The following PRKCB variants were observed in gnomAD, a reference collection of about 807,000 sequenced individuals.
PRKCB encodes protein kinase C beta, also known as protein kinase C beta type.
A neutral mutation model predicts 81.5 loss-of-function variants in PRKCB; 13 were observed. The ratio of observed to expected loss-of-function variants is 0.16; its 90% CI spans 0.10 to 0.25. The LOEUF (loss-of-function observed/expected upper bound fraction) is 0.25, where lower values mean the gene tolerates loss of function less well. Ranked by LOEUF, PRKCB falls within the 10% of genes least tolerant of loss-of-function variation. The pLI is 1.00. For missense variants in PRKCB, 509 were observed against 875.7 expected, an observed-to-expected ratio of 0.58 and a Z score of 5.29; for synonymous variants, 335 against 321.4, an observed-to-expected ratio of 1.04 and a Z score of -0.45.
chr16:23,927,891 G>A (rs11074590), intron 2 of PRKCB, among the ~76,000 whole-genome samples: 146,504 of 151,858 alleles, frequency 0.96, 70,754 homozygotes, highest in East Asian at 1. Flanking sequence ...ACCAGTTGGC[G>A]TGTGGATATC....
rs187711794 is a variant in PRKCB at position 24,147,178 on chromosome 16, G to A, written c.1066-7506G>A. Among the ~76,000 whole-genome samples, 1,327 of 151,874 alleles carry A rather than the reference G, an allele frequency of 8.7e-3. 27 individuals are homozygous for A. Among genetic ancestry groups the A allele is most frequent in the African/African-American group, 0.03 (1,256 of 41,376 alleles). On this transcript the variant is annotated intron_variant, in intron 9 of 16. Coordinates refer to ENST00000643927, the MANE Select transcript of PRKCB (RefSeq NM_002738.7). Reference sequence around the variant, plus strand: ...AAAAAATTAGCCGGGCATCGTGGCGGGCGCCTGTAGTCCCAGCTACTCGGG... The same window carrying A: ...AAAAAATTAGCCGGGCATCGTGGCGAGCGCCTGTAGTCCCAGCTACTCGGG...
chr16:23,987,087 A>T (rs1157501117), intron 2 of PRKCB, among the ~76,000 whole-genome samples: 1 of 152,136 alleles, frequency 6.6e-6, no homozygotes, highest in East Asian at 1.9e-4. Flanking sequence ...ACAGTTTTTT[A>T]AACTGTTGGT....
At chr16:24,169,263 T>C (rs974545761) in intron 10 of PRKCB, among the ~76,000 whole-genome samples, 3 of 152,142 alleles carry the variant, frequency 2.0e-5, no homozygotes, top group African/African-American at 7.2e-5. Flanking sequence ...TTCACTTAAT[T>C]AATGTATATT....
At chr16:23,877,001 T>G (rs1170683181) in intron 2 of PRKCB, among the ~76,000 whole-genome samples, 1 of 151,832 alleles carries the variant, frequency 6.6e-6, no homozygotes, top group Non-Finnish European at 1.5e-5. Context: ...GGGGGAGGGA[T>G]GGACAGAGAT....
chr16:24,122,449 C>CTT (rs35364143), intron 8 of PRKCB, among the ~76,000 whole-genome samples: 32,780 of 97,340 alleles, frequency 0.34, 6,235 homozygotes, highest in East Asian at 0.68. Flanking sequence ...TACCACGAGG[C>CTT]TTTTTTTTTT....
intron 2 of PRKCB, among the ~76,000 whole-genome samples, chr16:23,887,607 C>T (rs1193251644): frequency 6.6e-6 from 1 of 152,128 alleles, no homozygotes; most frequent in African/African-American, 2.4e-5. Context: ...TTGATGGGCA[C>T]CTAGGTGGAT....
intron 3 of PRKCB, among the ~76,000 whole-genome samples, chr16:24,021,268 T>C (rs1567347212): frequency 4.7e-5 from 6 of 127,116 alleles, no homozygotes; most frequent in South Asian, 3.1e-4. Flanking sequence ...CTTCCTTTCT[T>C]TTTCTTTCTT....
intron 7 of PRKCB, among the ~76,000 whole-genome samples, chr16:24,096,666 AATATATATATATATATATATAT>A (rs58341820): frequency 3.1e-5 from 1 of 32,714 alleles, no homozygotes; most frequent in Non-Finnish European, 6.1e-5. Flanking sequence ...AAAAAAAAAA[AATATATATATATATATATATAT>A]ATATATATAT....
At chr16:24,211,874 A>G (rs1461033217) in intron 16 of PRKCB, among the ~76,000 whole-genome samples, 1 of 152,056 alleles carries the variant, frequency 6.6e-6, no homozygotes, top group Non-Finnish European at 1.5e-5. Flanking sequence ...ACTCACTTTT[A>G]CTCAGATAAG....
At chr16:24,094,890 AAAG>A (rs1250444475) in intron 7 of PRKCB, among the ~76,000 whole-genome samples, 1 of 151,230 alleles carries the variant, frequency 6.6e-6, no homozygotes, top group Non-Finnish European at 1.5e-5. Flanking sequence ...AAGAAGAAAG[AAAG>A]AAGAAAGAAA....
At chr16:23,970,310 C>T (rs779376249) in intron 2 of PRKCB, among the ~76,000 whole-genome samples, 43 of 152,154 alleles carry the variant, frequency 2.8e-4, no homozygotes, top group African/African-American at 4.3e-4. Context: ...TCTGCAAGAG[C>T]GGAAGATGAT....
At chr16:24,016,133 C>T (rs1965274351) in intron 3 of PRKCB, among the ~76,000 whole-genome samples, 1 of 152,022 alleles carries the variant, frequency 6.6e-6, no homozygotes, top group South Asian at 2.1e-4. Flanking sequence ...CTAGCTCCCC[C>T]TAGGGTTGTT....
intron 3 of PRKCB, among the ~76,000 whole-genome samples, chr16:24,002,569 C>T (rs192317383): frequency 6.6e-6 from 1 of 151,754 alleles, no homozygotes; most frequent in Admixed American, 6.6e-5. Context: ...GAACTCCTGA[C>T]CTCAAGCGTT....
At chr16:24,163,722 C>A (rs1158256051) in intron 10 of PRKCB, among the ~76,000 whole-genome samples, 1 of 152,244 alleles carries the variant, frequency 6.6e-6, no homozygotes, top group Non-Finnish European at 1.5e-5. Context: ...TGAGTGCACA[C>A]TTACTTGGGT....
chr16:24,173,044 T>C (rs1967468568), intron 11 of PRKCB, among the ~76,000 whole-genome samples: 1 of 152,102 alleles, frequency 6.6e-6, no homozygotes, highest in Non-Finnish European at 1.5e-5. Flanking sequence ...AAGAAGCAGT[T>C]CCCAAATTCT....
At chr16:23,928,328 A>G (rs1428813681) in intron 2 of PRKCB, among the ~76,000 whole-genome samples, 15 of 151,990 alleles carry the variant, frequency 9.9e-5, no homozygotes, top group Admixed American at 9.8e-4. Flanking sequence ...CGGTTTCACC[A>G]TGTTGGCCAG....
At chr16:24,170,078 G>A (rs923330052) in intron 10 of PRKCB, among the ~76,000 whole-genome samples, 60 of 152,202 alleles carry the variant, frequency 3.9e-4, no homozygotes, top group African/African-American at 1.4e-3. Context: ...CGCTGTGCCC[G>A]GCTATCTTTT....
intron 3 of PRKCB, among the ~76,000 whole-genome samples, chr16:23,991,671 A>C (rs1964887211): frequency 6.6e-6 from 1 of 152,234 alleles, no homozygotes; most frequent in South Asian, 2.1e-4. Flanking sequence ...AAAGTTCTAA[A>C]TAATGTCCTC....
rs116557618 is a variant in PRKCB at position 24,057,506 on chromosome 16, G to T, written c.529+21959G>T. Among the ~76,000 whole-genome samples the T allele has an allele frequency of 7.9e-3, 1,203 of 152,216 alleles. 21 individuals are homozygous for T. Among genetic ancestry groups the T allele is most frequent in the African/African-American group, 0.027 (1,125 of 41,510 alleles). On this transcript the variant is annotated intron_variant, in intron 5 of 16. Coordinates refer to ENST00000643927, the MANE Select transcript of PRKCB (RefSeq NM_002738.7). Reference sequence around the variant, plus strand: ...TTCTTTAATCTCTTCTGTATGGGAGGTCATTTGCTAGATACTGGATGGCTG... The same window carrying T: ...TTCTTTAATCTCTTCTGTATGGGAGTTCATTTGCTAGATACTGGATGGCTG...
Sources: allele counts gnomAD v4.1 joint callset (sites outside exome capture counted in the v4.1 genomes callset), GRCh38; gene constraint gnomAD v4.1.1; transcripts MANE v1.5; gene names NCBI Gene and HGNC (gene_info 2026-07-23, HGNC 2026-07-21).